STK32B: variants seen among roughly 807,000 people sequenced by gnomAD.
STK32B encodes serine/threonine kinase 32B.
In STK32B, 43 loss-of-function variants were observed where a neutral mutation model predicts 52.6. That is an observed-to-expected ratio of 0.82 (90% CI 0.64 to 1.05). The LOEUF (loss-of-function observed/expected upper bound fraction) is 1.05. Among genes scored for constraint, STK32B ranks in the 50% least tolerant of loss-of-function variants. The pLI is 0.00. For synonymous variants in STK32B, 238 were observed against 204.3 expected (o/e 1.17, Z -1.41); for missense variants, 621 against 534.6 (o/e 1.16, Z -1.59).
At chr4:5,466,939 T>C in intron 10 of STK32B, 105 bp downstream of exon 10, 1 of 1,405,740 alleles carries the variant, frequency 7.1e-7, no homozygotes, top group South Asian at 1.5e-5. Context: ...CAATCCTCCC[T>C]TCCAATTTCC....
intron 3 of STK32B, among the ~76,000 whole-genome samples, chr4:5,199,338 A>G (rs554961571): frequency 6.6e-6 from 1 of 152,276 alleles, no homozygotes; most frequent in South Asian, 2.1e-4. Context: ...ACAGGGACCT[A>G]TTGTAATGAA....
At chr4:5,338,180 G>T (rs1409535704) in intron 4 of STK32B, among the ~76,000 whole-genome samples, 1 of 152,158 alleles carries the variant, frequency 6.6e-6, no homozygotes. Context: ...AACAAAACTT[G>T]CAAAACTATT....
chr4:5,307,111 T>C (rs1316954864), intron 3 of STK32B, among the ~76,000 whole-genome samples: 1 of 152,190 alleles, frequency 6.6e-6, no homozygotes, highest in Non-Finnish European at 1.5e-5. Flanking sequence ...GATGACTATG[T>C]TCCTAGGTGA....
chr4:5,486,802 C>T lies in STK32B; in HGVS notation c.1107-12143C>T, dbSNP rs190748453. 2.1e-3 allele frequency among the ~76,000 whole-genome samples: 320 copies of T among 152,316 alleles called. 3 individuals are homozygous for T. Among genetic ancestry groups the T allele is most frequent in the African/African-American group, 7.3e-3 (303 of 41,576 alleles). ...GAATTGCAATTCAGGGCATACATTG[C>T]AGATTGGCTGGTCTTTAAGTATGTC... On this transcript the variant is annotated intron_variant, in intron 11 of 11. Transcript: ENST00000282908.
At chr4:5,305,176 T>TAGG (rs1729843671) in intron 3 of STK32B, among the ~76,000 whole-genome samples, 1 of 152,110 alleles carries the variant, frequency 6.6e-6, no homozygotes, top group Admixed American at 6.5e-5. Flanking sequence ...TTTTCTGGTT[T>TAGG]TGGTATTAGG....
chr4:5,317,394 A>G (rs546502155), intron 3 of STK32B, among the ~76,000 whole-genome samples: 2,019 of 77,414 alleles, frequency 0.026, 71 homozygotes, highest in Non-Finnish European at 0.036. Context: ...CATATATATA[A>G]TATATATAAT....
chr4:5,243,327 T>A (rs1725180091), intron 3 of STK32B, among the ~76,000 whole-genome samples: 2 of 152,212 alleles, frequency 1.3e-5, no homozygotes, highest in South Asian at 4.1e-4. Context: ...AGTATTTTAT[T>A]CTCTTTGAAG....
At chr4:5,325,658 C>T (rs1438720466) in intron 3 of STK32B, among the ~76,000 whole-genome samples, 1 of 152,116 alleles carries the variant, frequency 6.6e-6, no homozygotes, top group Non-Finnish European at 1.5e-5. Context: ...AGTTCTATTG[C>T]AATAGCCAGG....
At chr4:5,451,266 G>A (rs28735025) in intron 7 of STK32B, among the ~76,000 whole-genome samples, 19 of 152,230 alleles carry the variant, frequency 1.2e-4, no homozygotes, top group African/African-American at 4.1e-4. Context: ...ATTGAAGTTC[G>A]GTCACATATG....
chr4:5,451,477 C>T lies in STK32B; in HGVS notation c.666+4701C>T, dbSNP rs1715987843. ...GTACCTAAGCAGAGAAGTGACAGCA[C>T]AGTGGTCATATTATACATAGAACCA... On this transcript the variant is annotated intron_variant, in intron 7 of 11. Coordinates refer to ENST00000282908, the MANE Select transcript of STK32B (RefSeq NM_018401.3). Among the ~76,000 whole-genome samples the T allele has an allele frequency of 3.3e-5, 5 of 152,280 alleles. No individual in the cohort carries two copies. In the South Asian group the frequency reaches 1.0e-3, roughly 32 times the overall value.
intron 1 of STK32B, among the ~76,000 whole-genome samples, chr4:5,086,178 C>T (rs1378915851): frequency 6.6e-6 from 1 of 152,106 alleles, no homozygotes; most frequent in Non-Finnish European, 1.5e-5. Flanking sequence ...CATGTGCATG[C>T]CCAGGCTTGT....
chr4:5,177,792 G>A (rs1720037316), intron 3 of STK32B, among the ~76,000 whole-genome samples: 3 of 152,206 alleles, frequency 2.0e-5, no homozygotes, highest in Admixed American at 2.0e-4. Flanking sequence ...AAACCTTTAA[G>A]TTCCAAAATG....
intron 11 of STK32B, among the ~76,000 whole-genome samples, chr4:5,496,004 G>A (rs1720206854): frequency 6.6e-6 from 1 of 152,228 alleles, no homozygotes; most frequent in South Asian, 2.1e-4. Context: ...GTGCCTCCCG[G>A]TTAGGCTGCT....
At chr4:5,078,205 TGG>T (rs1712198276) in intron 1 of STK32B, among the ~76,000 whole-genome samples, 2 of 152,172 alleles carry the variant, frequency 1.3e-5, no homozygotes, top group Non-Finnish European at 2.9e-5. Context: ...TGTAGCTCAT[TGG>T]TCAAAAGTAG....
At chr4:5,026,345 A>G in the STK32B span, among the ~76,000 whole-genome samples, 68 of 152,274 alleles carry the variant, frequency 4.5e-4, 1 homozygote, top group African/African-American at 1.6e-3. Flanking sequence ...CAATCCCAAG[A>G]CTGGGTAATT....
chr4:5,450,584 G>C (rs2109130062), intron 7 of STK32B, among the ~76,000 whole-genome samples: 1 of 152,286 alleles, frequency 6.6e-6, no homozygotes, highest in South Asian at 2.1e-4. Context: ...GAATCTCACA[G>C]GTTCAAACCC....
At chr4:5,305,399 C>G (rs961426260) in intron 3 of STK32B, among the ~76,000 whole-genome samples, 2 of 152,122 alleles carry the variant, frequency 1.3e-5, no homozygotes, top group Non-Finnish European at 1.5e-5. Flanking sequence ...GTTTCTATTT[C>G]TTCCTGGTTT....
chr4:5,209,300 C>A (rs560181691), intron 3 of STK32B, among the ~76,000 whole-genome samples: 85 of 152,324 alleles, frequency 5.6e-4, no homozygotes, highest in Non-Finnish European at 9.8e-4. Flanking sequence ...CAGCTCACTG[C>A]AGCCTCAAAA....
intron 3 of STK32B, among the ~76,000 whole-genome samples, chr4:5,199,227 G>T (rs1721934208): frequency 6.6e-6 from 1 of 152,190 alleles, no homozygotes; most frequent in Admixed American, 6.5e-5. Context: ...CACGGTGGTT[G>T]TTTGTACAGA....
Sources: gnomAD v4.1 joint callset for allele counts (sites outside exome capture counted in the v4.1 genomes callset) on GRCh38, gnomAD v4.1.1 for gene constraint, MANE v1.5 for transcripts, NCBI Gene and HGNC (gene_info 2026-07-23, HGNC 2026-07-21) for gene names.